MYH14: variants seen among roughly 807,000 people sequenced by gnomAD.
MYH14 encodes the protein myosin heavy chain 14, also known as myosin-14.
Under a neutral mutation model 255.5 loss-of-function variants are expected in MYH14, and 123 were observed. The observed-to-expected ratio is 0.48, with a 90% CI of 0.42 to 0.56. MYH14 has a LOEUF of 0.56. Ranked by LOEUF, MYH14 falls within the 20% of genes least tolerant of loss-of-function variation. MYH14 has a pLI of 0.00. For missense variants in MYH14, 2,423 were observed against 2,802.3 expected (o/e 0.86, Z 3.06); for synonymous variants, 1,095 against 1,161.2 (o/e 0.94, Z 1.16).
intron 30 of MYH14, among the ~76,000 whole-genome samples, chr19:50,279,541 G>T (rs925232215): frequency 4.6e-5 from 7 of 152,182 alleles, no homozygotes; most frequent in African/African-American, 1.7e-4. Context: ...GCTAAGGCAG[G>T]AGAATCACTT....
At chr19:50,227,850 C>A (rs2033184207) in intron 8 of MYH14, among the ~76,000 whole-genome samples, 1 of 152,158 alleles carries the variant, frequency 6.6e-6, no homozygotes, top group Non-Finnish European at 1.5e-5. Context: ...CCTTTCCCTG[C>A]CTCAGTTTCT....
chr19:50,262,004 G>A (rs922055090), intron 21 of MYH14, among the ~76,000 whole-genome samples: 6 of 152,194 alleles, frequency 3.9e-5, no homozygotes, highest in Non-Finnish European at 7.3e-5. Context: ...AGGGGCTCCA[G>A]TCTGGAGGTG....
Position 50,307,216 on chromosome 19 carries a change from CA to C in MYH14, c.5787+60del, listed in dbSNP as rs1372014846. 8 of 1,064,888 alleles carry C rather than the reference CA, an allele frequency of 7.5e-6. No homozygotes were observed. The African/African-American group carries it at 1.3e-4, about 17-fold the overall frequency. The allele number at this position is 1,064,888 out of a possible 1,614,324, so 66.0% of individuals were successfully genotyped here. A position where few individuals can be genotyped will look rare whatever the true frequency, so the allele number is the denominator to read the frequency against. On this transcript the variant is annotated intron_variant, in intron 41 of 42. Coordinates refer to ENST00000642316, the MANE Select transcript of MYH14 (RefSeq NM_001145809.2). ...AGTGTGACCACTGGCTGAGAAATTG[CA>C]CAGGCTGTCTCCAGAGGCAATGAGC...
At chr19:50,213,700 G>C (rs897321538) in intron 2 of MYH14, among the ~76,000 whole-genome samples, 3 of 152,176 alleles carry the variant, frequency 2.0e-5, no homozygotes, top group South Asian at 4.1e-4. Context: ...TCCACATAAG[G>C]TTGTGAGGTA....
At position 50,280,971 on chromosome 19, in the gene MYH14, A is replaced by G. The variant is rs906838797; in HGVS notation, c.4290+588A>G. Among the ~76,000 whole-genome samples the G allele has an allele frequency of 2.6e-5, 4 of 151,620 alleles. No individual in the cohort carries two copies. The highest frequency in any genetic ancestry group is 9.7e-5 in the African/African-American group (4 of 41,232). On this transcript the variant is annotated intron_variant, in intron 32 of 42. Coordinates refer to ENST00000642316, the MANE Select transcript of MYH14 (RefSeq NM_001145809.2). The surrounding 1 kb of genome is among the most constrained non-coding windows in gnomAD (Gnocchi z 4.8). ...CGTCTTCTCTTTCTCCTCTGTCCCA[A>G]CTCCAGTCACCTTGGGCTGGGACTG...
chr19:50,232,631 G>C (rs140841996), intron 10 of MYH14, among the ~76,000 whole-genome samples: 18 of 149,822 alleles, frequency 1.2e-4, no homozygotes, highest in Admixed American at 1.1e-3. Context: ...AAGACCATGA[G>C]TGCCATGGAG....
chr19:50,249,463 C>T (rs1162485855), intron 13 of MYH14, 187 bp from the exon 14 acceptor site: 1 of 676,148 alleles, frequency 1.5e-6, no homozygotes, highest in African/African-American at 1.9e-5. Context: ...GTCTCTGTCC[C>T]CTGTCTCTGG....
rs1044186100 is a variant in MYH14, at chr19:50,281,629, A to G, written c.4326A>G (p.Ala1442=). Residue 1442 remains alanine (A), a synonymous_variant, in exon 33 of 43, where the codon GCA becomes GCG. Coordinates refer to ENST00000642316, the MANE Select transcript of MYH14 (RefSeq NM_001145809.2). Reference sequence around the variant, plus strand: ...GGCGGCGGCGCCAGGAGGAGGAGGCAGGGGCACTGGAGGCAGGGGAGGAGG... The same window carrying G: ...GGCGGCGGCGCCAGGAGGAGGAGGCGGGGGCACTGGAGGCAGGGGAGGAGG... ...SEWRRRQEEE[A]GALEAGEEAR... is the part of the protein sequence containing the mutation. The G allele has an allele frequency of 8.7e-6, 14 of 1,602,580 alleles. No individual in the cohort carries two copies. Among genetic ancestry groups the G allele is most frequent in the Non-Finnish European group, 1.2e-5 (14 of 1,174,136 alleles).
chr19:50,213,033 G>A (rs572455583), intron 2 of MYH14, among the ~76,000 whole-genome samples: 9 of 152,266 alleles, frequency 5.9e-5, no homozygotes, highest in Admixed American at 4.6e-4. Context: ...GCTTACTGCA[G>A]CCTTCACCTC....
At chr19:50,259,008 A>C (rs2034713098) in intron 18 of MYH14, 136 bp from the exon 19 acceptor site, 1 of 1,193,868 alleles carries the variant, frequency 8.4e-7, no homozygotes, top group East Asian at 2.6e-5. Flanking sequence ...CTGTCTTCCC[A>C]GGGCCTAGAA....
chr19:50,210,634 G>C lies in MYH14; in HGVS notation c.269G>C (p.Arg90Pro), dbSNP rs963967567. ...CTGGCGGAGAGCGGGAGGCGGCTGC[G>C]ACTGCCGCGGGACCAGATCCAGCGC... ...VELAESGRRL[R>P]LPRDQIQRMN... Residue 90 changes from arginine (R) to proline (P), a missense_variant, in exon 2 of 43, where the codon CGA (arginine) becomes CCA (proline). By Grantham distance (103) the Arg-to-Pro change is moderately radical. Coordinates refer to ENST00000642316, the MANE Select transcript of MYH14 (RefSeq NM_001145809.2). 1.3e-6 allele frequency: 2 copies of C among 1,569,918 alleles called. No homozygotes were observed. Among genetic ancestry groups the C allele is most frequent in the South Asian group, 1.2e-5 (1 of 85,722 alleles).
chr19:50,244,197 A>T lies in MYH14; in HGVS notation c.1115-45A>T, dbSNP rs750079383. The T allele has an allele frequency of 2.6e-6, 4 of 1,557,336 alleles. No homozygotes were observed. The South Asian group carries it at 4.5e-5, about 17-fold the overall frequency. ...TTTAAGGGGCCAGTTAAGACCACAC[A>T]TCGGGGTCCAGAGCCACACGTGACC... On this transcript the variant is annotated intron_variant, in intron 10 of 42. Transcript: ENST00000642316.
chr19:50,250,637 G>A lies in MYH14; in HGVS notation c.1779G>A (p.Pro593=), dbSNP rs557237074. The change falls in exon 15 of 43, where the codon CCG becomes CCA. Residue 593 remains proline (P), a synonymous_variant. Transcript: ENST00000642316. This position sits in a 1 kb window ranked among gnomAD's most constrained non-coding sequence, Gnocchi z 5.4. Reference sequence around the variant, plus strand: ...GCGGCCACCCCAAGTTCCAGCGGCCGAGGCACCTGCGGGATCAGGCCGACT... The same window carrying A: ...GCGGCCACCCCAAGTTCCAGCGGCCAAGGCACCTGCGGGATCAGGCCGACT... ...EQGGHPKFQR[P]RHLRDQADFS... is the part of the protein sequence containing the mutation. The A allele has an allele frequency of 2.0e-5, 32 of 1,614,000 alleles. No homozygotes were observed. The highest frequency in any genetic ancestry group is 1.3e-4 in the African/African-American group (10 of 75,058).
Position 50,232,050 on chromosome 19 carries a change from TC to T in MYH14, c.1095del (p.Phe365LeufsTer24), listed in dbSNP as rs2033423100. 1 of 1,612,420 alleles carries T rather than the reference TC, an allele frequency of 6.2e-7. No individual in the cohort carries two copies. Among genetic ancestry groups the T allele is most frequent in the Non-Finnish European group, 8.5e-7 (1 of 1,179,888 alleles). On this transcript the variant is annotated frameshift_variant, in exon 10 of 43. Coordinates refer to ENST00000642316, the MANE Select transcript of MYH14 (RefSeq NM_001145809.2). LOFTEE classifies it high-confidence loss of function. Reference sequence around the variant, plus strand: ...CTGGAGTCGCTGCGGGTCCTGGGATTCAGCCACGAGGAAATCATCTGTGAGT... The same window carrying T: ...CTGGAGTCGCTGCGGGTCCTGGGATTAGCCACGAGGAAATCATCTGTGAGT... Reference protein sequence around the residue: ...ETLESLRVLGFSHEEIISMLR... With the variant: ...ETLESLRVLGXSHEEIISMLR...
intron 1 of MYH14, among the ~76,000 whole-genome samples, chr19:50,206,756 C>A (rs1297178938): frequency 6.6e-6 from 1 of 151,918 alleles, no homozygotes; most frequent in Non-Finnish European, 1.5e-5. Context: ...GGCAGCTGGG[C>A]GTTTAGAAGG....
At position 50,266,811 on chromosome 19, in the gene MYH14, C is replaced by A; in HGVS notation, c.2695-66C>A. On this transcript the variant is annotated intron_variant, in intron 22 of 42. Coordinates refer to ENST00000642316, the MANE Select transcript of MYH14 (RefSeq NM_001145809.2). The surrounding 1 kb of genome is among the most constrained non-coding windows in gnomAD (Gnocchi z 4.1). ...AGGGATTTGAACCCAGAAACTCAAACCCCACTAAGAGTGTGAGGTCTTGGC... is the reference window on the plus strand; with the variant it reads ...AGGGATTTGAACCCAGAAACTCAAAACCCACTAAGAGTGTGAGGTCTTGGC... The A allele has an allele frequency of 6.5e-7, 1 of 1,542,090 alleles. No homozygotes were observed.
chr19:50,258,859 C>T, intron 18 of MYH14: 1 of 338,954 alleles, frequency 3.0e-6, no homozygotes, highest in Non-Finnish European at 5.3e-6. Flanking sequence ...GCCCCACCCA[C>T]ATCCCTCCCT....
At position 50,292,899 on chromosome 19, in the gene MYH14, AG is replaced by A. The variant is rs376504897; in HGVS notation, c.5257-328del. ...AGGCAGGAGGGAGAAGGCTATGGTG[AG>A]GGGGGCCGGAGGAGGGGAGGAGAGC... On this transcript the variant is annotated intron_variant, in intron 37 of 42. Transcript: ENST00000642316. Among the ~76,000 whole-genome samples, 412 of 145,612 alleles carry A rather than the reference AG, an allele frequency of 2.8e-3. 1 individual carries two copies. Among genetic ancestry groups the A allele is most frequent in the African/African-American group, 1.0e-2 (389 of 39,068 alleles).
intron 26 of MYH14, among the ~76,000 whole-genome samples, 197 bp from the exon 27 acceptor site, chr19:50,272,360 TGAG>T (rs1372368892): frequency 2.6e-5 from 4 of 151,440 alleles, no homozygotes; most frequent in African/African-American, 9.7e-5. Flanking sequence ...TTGGTGGGGA[TGAG>T]GAGGAGAGGA....
Sources: allele counts gnomAD v4.1 joint callset (sites outside exome capture counted in the v4.1 genomes callset), GRCh38; gene constraint gnomAD v4.1.1; non-coding constraint Gnocchi (gnomAD v3.1); transcripts MANE v1.5; gene names NCBI Gene and HGNC (gene_info 2026-07-23, HGNC 2026-07-21).